The following ZFPM1 variants were observed in gnomAD, a reference collection of about 807,000 sequenced individuals.
ZFPM1 encodes zinc finger protein, FOG family member 1, also known as zinc finger protein ZFPM1.
A neutral mutation model predicts 46.3 loss-of-function variants in ZFPM1; 28 were observed. The observed-to-expected ratio is 0.60, with a 90% confidence interval of 0.45 to 0.83. The LOEUF (loss-of-function observed/expected upper bound fraction) is 0.83, where lower values mean the gene tolerates loss of function less well. ZFPM1 is among the 40% of genes least tolerant of loss of function. The probability of loss-of-function intolerance (pLI) is 0.00; values close to 1 mark genes in which losing one functional copy is unlikely to be tolerated. For synonymous variants in ZFPM1, 957 were observed against 675.9 expected (o/e 1.42, Z -6.45); for missense variants, 1,878 against 1,432.4 (o/e 1.31, Z -5.02).
At chr16:88,467,394 CT>C (rs1413318771) in intron 1 of ZFPM1, among the ~76,000 whole-genome samples, 1 of 152,254 alleles carries the variant, frequency 6.6e-6, no homozygotes, top group Non-Finnish European at 1.5e-5. Context: ...GCCAACCCCC[CT>C]GAGGTCTCCC....
At chr16:88,455,462 A>G (rs1907503007) in intron 1 of ZFPM1, among the ~76,000 whole-genome samples, 1 of 151,858 alleles carries the variant, frequency 6.6e-6, no homozygotes, top group Admixed American at 6.5e-5. Flanking sequence ...CCTCCTCCCC[A>G]TGGCAGATCT....
intron 6 of ZFPM1, among the ~76,000 whole-genome samples, chr16:88,530,057 C>T (rs1912664506): frequency 6.6e-6 from 1 of 152,100 alleles, no homozygotes. Flanking sequence ...AAGGGGGTCC[C>T]CATCTGCCTT....
rs771991649 is a variant in ZFPM1, at chr16:88,533,965, G to A, written c.2007G>A (p.Pro669=). The A allele has an allele frequency of 3.0e-6, 4 of 1,312,436 alleles. No homozygotes were observed. The highest frequency in any genetic ancestry group is 3.2e-5 in the African/African-American group (2 of 62,882). 81.3% of individuals were successfully genotyped at this position (1,312,436 alleles called of 1,614,324 possible). The change falls in exon 10 of 10, where the codon CCG becomes CCA. Residue 669 remains proline (P), a synonymous_variant. Transcript: ENST00000319555. ...GGRGSEGSQS[P]GSSVDDAEDD... is the part of the protein sequence containing the mutation. ...GGGGCAGCGAGGGCAGCCAGAGCCCGGGTAGCTCCGTGGACGACGCGGAGG... is the reference window on the plus strand; with the variant it reads ...GGGGCAGCGAGGGCAGCCAGAGCCCAGGTAGCTCCGTGGACGACGCGGAGG...
chr16:88,460,664 T>G (rs1270510288), intron 1 of ZFPM1, among the ~76,000 whole-genome samples: 6 of 152,176 alleles, frequency 3.9e-5, no homozygotes, highest in Non-Finnish European at 2.9e-5. Context: ...CCTTAGAGAC[T>G]CCGCTTTAGA....
chr16:88,508,668 C>A (rs1412401863), intron 3 of ZFPM1, among the ~76,000 whole-genome samples: 1 of 152,226 alleles, frequency 6.6e-6, no homozygotes, highest in African/African-American at 2.4e-5. Flanking sequence ...GAGCCAGGGC[C>A]TGCTACTGAG....
intron 3 of ZFPM1, among the ~76,000 whole-genome samples, chr16:88,502,975 C>T (rs1910453946): frequency 6.6e-6 from 1 of 152,262 alleles, no homozygotes. Flanking sequence ...TCCAACCCCA[C>T]CAGCCATGAA....
Position 88,453,665 on chromosome 16 carries a change from C to G in ZFPM1, c.27C>G (p.Pro9=). Residue 9 remains proline (P), a synonymous_variant, in exon 1 of 10, where the codon CCC becomes CCG. Transcript: ENST00000319555. ...TGTCCAGGCGGAAACAGAGCAACCC[C>G]CGGCAGATCAAGCGTGAGTCAAACT... The part of the protein sequence containing the change: MSRRKQSN[P]RQIKRSLGDM... The G allele has an allele frequency of 8.3e-7, 1 of 1,201,050 alleles. No homozygotes were observed. Among genetic ancestry groups the G allele is most frequent in the African/African-American group, 1.6e-5 (1 of 61,918 alleles). The allele number at this position is 1,201,050 out of a possible 1,614,324, so 74.4% of individuals were successfully genotyped here.
chr16:88,492,818 G>T (rs1368569048), intron 3 of ZFPM1, among the ~76,000 whole-genome samples: 1 of 152,074 alleles, frequency 6.6e-6, no homozygotes, highest in Admixed American at 6.5e-5. Flanking sequence ...CAGAGAGGAG[G>T]CCTCCCAGCC....
At chr16:88,466,956 C>T (rs1908161398) in intron 1 of ZFPM1, among the ~76,000 whole-genome samples, 1 of 152,072 alleles carries the variant, frequency 6.6e-6, no homozygotes, top group Non-Finnish European at 1.5e-5. Flanking sequence ...TCAGTGAACC[C>T]CAAAACGGCG....
intron 3 of ZFPM1, among the ~76,000 whole-genome samples, chr16:88,499,585 C>T (rs548658547): frequency 6.6e-6 from 1 of 152,358 alleles, no homozygotes; most frequent in South Asian, 2.1e-4. Flanking sequence ...AGCAGGTCTG[C>T]GTGCAGTGTG....
rs1268635431 is a variant in ZFPM1, at chr16:88,480,160, G to A, written c.41-5779G>A. Among the ~76,000 whole-genome samples the A allele has an allele frequency of 6.6e-6, 1 of 151,904 alleles. No individual in the cohort carries two copies. The highest frequency in any genetic ancestry group is 1.9e-4 in the East Asian group (1 of 5,136). On this transcript the variant is annotated intron_variant, in intron 1 of 9. Coordinates refer to ENST00000319555, the MANE Select transcript of ZFPM1 (RefSeq NM_153813.3). The surrounding 1 kb of genome is among the most constrained non-coding windows in gnomAD (Gnocchi z 4.9). ...AGCGCTTTTCCCTGGACCCGGTGCT[G>A]GCAGCCTCCTCCTCTCCCCATCCAG... is the stretch of plus-strand genomic sequence containing the variant.
intron 1 of ZFPM1, among the ~76,000 whole-genome samples, chr16:88,484,039 G>A (rs1206590255): frequency 1.3e-5 from 2 of 152,180 alleles, no homozygotes; most frequent in Admixed American, 6.5e-5. Context: ...CAGGTGTTTC[G>A]GGCGTTAGCA....
intron 2 of ZFPM1, among the ~76,000 whole-genome samples, 187 bp downstream of exon 2, chr16:88,486,230 GA>G (rs1480334793): frequency 6.6e-6 from 1 of 152,228 alleles, no homozygotes; most frequent in Non-Finnish European, 1.5e-5. Context: ...GGGTCTCCAG[GA>G]AAGGGGAGAT....
At chr16:88,460,851 T>C (rs1907785466) in intron 1 of ZFPM1, among the ~76,000 whole-genome samples, 1 of 151,314 alleles carries the variant, frequency 6.6e-6, no homozygotes, top group Non-Finnish European at 1.5e-5. Flanking sequence ...GGCCTCGGCC[T>C]CCCAGCTGTT....
At chr16:88,454,667 A>T (rs545257731) in intron 1 of ZFPM1, among the ~76,000 whole-genome samples, 2 of 152,360 alleles carry the variant, frequency 1.3e-5, no homozygotes. Context: ...GGGCTGTGCC[A>T]GGAGGGAGCA....
chr16:88,500,888 C>T (rs1017995942), intron 3 of ZFPM1, among the ~76,000 whole-genome samples: 2 of 152,248 alleles, frequency 1.3e-5, no homozygotes, highest in African/African-American at 2.4e-5. Flanking sequence ...GGTCCCTAGA[C>T]GGCACCTCGG....
intron 1 of ZFPM1, among the ~76,000 whole-genome samples, chr16:88,466,912 G>A (rs573179568): frequency 2.5e-4 from 38 of 152,216 alleles, no homozygotes; most frequent in Non-Finnish European, 5.6e-4. Context: ...GGGCAGAAGT[G>A]GGTAAAGCAT....
At chr16:88,506,263 G>C (rs1219430689) in intron 3 of ZFPM1, among the ~76,000 whole-genome samples, 5 of 107,136 alleles carry the variant, frequency 4.7e-5, no homozygotes, top group African/African-American at 2.3e-4. Context: ...ACCAGGGTCA[G>C]GGGGCAGGGA....
intron 1 of ZFPM1, among the ~76,000 whole-genome samples, chr16:88,477,376 T>C (rs949506291): frequency 2.0e-5 from 3 of 152,152 alleles, no homozygotes; most frequent in Admixed American, 6.5e-5. Flanking sequence ...GCGGTGTGTT[T>C]CTTTGCCTGA....
Sources: gnomAD v4.1 joint callset for allele counts (sites outside exome capture counted in the v4.1 genomes callset) on GRCh38, gnomAD v4.1.1 for gene constraint, Gnocchi (gnomAD v3.1) non-coding constraint, MANE v1.5 for transcripts, NCBI Gene and HGNC (gene_info 2026-07-23, HGNC 2026-07-21) for gene names.